DNASE1: variants seen among roughly 807,000 people sequenced by gnomAD.
DNASE1 encodes deoxyribonuclease 1, also known as deoxyribonuclease-1.
A neutral mutation model predicts 33.9 loss-of-function variants in DNASE1; 40 were observed. The ratio of observed to expected loss-of-function variants is 1.18; its 90% CI spans 0.92 to 1.54. The LOEUF is 1.54. Among genes scored for constraint, DNASE1 ranks in the 40% most tolerant of loss-of-function variants. The probability of loss-of-function intolerance (pLI) is 0.00; values close to 1 mark genes in which losing one functional copy is unlikely to be tolerated. For missense variants in DNASE1, 518 were observed against 372.6 expected, an observed-to-expected ratio of 1.39 and a Z score of -3.21; for synonymous variants, 216 against 160.0, an observed-to-expected ratio of 1.35 and a Z score of -2.64.
Position 3,634,500 on chromosome 16 carries a change from T to G in DNASE1, c.-1358-6215T>G, listed in dbSNP as rs529439777. 2.0e-5 allele frequency among the ~76,000 whole-genome samples: 3 copies of G among 152,176 alleles called. No individual in the cohort carries two copies. In the South Asian group the frequency reaches 6.2e-4, roughly 32 times the overall value. On this transcript the variant is annotated intron_variant and NMD_transcript_variant, in intron 1 of 11. Coordinates refer to the DNASE1 transcript ENST00000570769. ...ACCTCGGCCTCCCAAAGTGCTGGGA[T>G]TACAGGCATGAGCCACTGTGCCTGG...
In DNASE1 at chr16:3,656,696, G is replaced by C. The variant is rs8176919; in HGVS notation, c.379G>C (p.Gly127Arg). Residue 127 changes from glycine (G) to arginine (R), a missense_variant, in exon 5 of 9, where the codon GGG becomes CGG. Physicochemically the swap from Gly to Arg is moderately radical, Grantham distance 125. Transcript: ENST00000246949. ...CTACGATGATGGCTGCGAGCCCTGC[G>C]GGAACGACACCTTCAACCGAGAGCC... ...YYYDDGCEPCGNDTFNREPAI... is the reference protein window; with the variant it reads ...YYYDDGCEPCRNDTFNREPAI... 2 of 1,613,252 alleles carry C rather than the reference G, an allele frequency of 1.2e-6. No individual in the cohort carries two copies. The highest frequency in any genetic ancestry group is 1.3e-5 in the African/African-American group (1 of 74,988).
At chr16:3,632,905 C>G (rs189153521) in intron 1 of DNASE1, among the ~76,000 whole-genome samples, 2 of 152,144 alleles carry the variant, frequency 1.3e-5, no homozygotes, top group African/African-American at 4.8e-5. Context: ...TAATTGTAAT[C>G]TACCTATGTT....
In DNASE1 at chr16:3,635,289, C is replaced by G. The variant is rs541303831; in HGVS notation, c.-1358-5426C>G. ...CCTGGCCAACATGGTGAAACCCCAT[C>G]TCTACTAAAAATAAAAAAATTAGCT... On this transcript the variant is annotated intron_variant and NMD_transcript_variant, in intron 1 of 11. Coordinates refer to the DNASE1 transcript ENST00000570769. 1.2e-4 allele frequency among the ~76,000 whole-genome samples: 18 copies of G among 151,948 alleles called. No individual in the cohort carries two copies. In the East Asian group the frequency reaches 3.3e-3, roughly 28 times the overall value.
rs1214378626 is a variant in DNASE1 at position 3,643,759 on chromosome 16, T to TTTTA, written c.-86+739_-86+742dup. ...TCTGTTTTATTTTTTTATTTTATTA[T>TTTTA]TTTATTTATTTATTTATTTTGAGAT... is the stretch of plus-strand genomic sequence containing the variant. On this transcript the variant is annotated intron_variant, in intron 1 of 9. Coordinates refer to the DNASE1 transcript ENST00000407479. Among the ~76,000 whole-genome samples the TTTTA allele has an allele frequency of 1.1e-4, 16 of 152,240 alleles. No individual in the cohort carries two copies. In the East Asian group the frequency reaches 2.9e-3, roughly 27 times the overall value.
chr16:3,613,614 T>A (rs755016591), intron 1 of DNASE1, among the ~76,000 whole-genome samples: 4 of 152,210 alleles, frequency 2.6e-5, no homozygotes, highest in African/African-American at 9.7e-5. Context: ...TCCAACTGGA[T>A]AAAGAAGACA....
chr16:3,656,301 A>C, intron 4 of DNASE1, 116 bp downstream of exon 4: 1 of 1,144,174 alleles, frequency 8.7e-7, no homozygotes, highest in Non-Finnish European at 1.3e-6. Flanking sequence ...GCTTCAGAGC[A>C]GGGTCCAGGG....
In DNASE1 at chr16:3,655,151, C is replaced by T. The variant is rs1033594923; in HGVS notation, c.-2+107C>T. On this transcript the variant is annotated intron_variant, in intron 1 of 8. Coordinates refer to ENST00000246949, the MANE Select transcript of DNASE1 (RefSeq NM_005223.4). ...GAGTGAGGCGGAGGCTCCAGCGTCC[C>T]TCCCGGGCGGGTTTTCTGGTGGATG... 3.3e-4 allele frequency: 208 copies of T among 626,490 alleles called. 1 individual carries two copies. Among genetic ancestry groups the T allele is most frequent in the Middle Eastern group, 4.3e-4 (1 of 2,348 alleles). The allele number at this position is 626,490 out of a possible 1,614,324, so 38.8% of individuals were successfully genotyped here.
upstream of DNASE1, chr16:3,650,865 G>C (rs1008518044): frequency 6.6e-6 from 1 of 152,202 alleles, no homozygotes; most frequent in African/African-American, 2.4e-5. Context: ...GTAATTGCTT[G>C]TTCAGTGACT....
downstream of DNASE1, chr16:3,662,926 C>A: frequency 6.2e-7 from 1 of 1,613,070 alleles, no homozygotes; most frequent in South Asian, 1.1e-5. Flanking sequence ...CTCATCCAGG[C>A]CATGAGCTCC....
At chr16:3,658,717 G>C (rs545124705), downstream of DNASE1, 1 of 1,368,932 alleles carries the variant, frequency 7.3e-7, no homozygotes, top group South Asian at 1.2e-5. Context: ...AGAGGAAACC[G>C]CTGTTCCACC....
chr16:3,636,162 A>C (rs2158442), intron 1 of DNASE1, among the ~76,000 whole-genome samples: 16,544 of 150,266 alleles, frequency 0.11, 2,215 homozygotes, highest in African/African-American at 0.32. Flanking sequence ...GGAAGTTGCT[A>C]CTGACATTTT....
downstream of DNASE1, chr16:3,662,067 G>C: frequency 6.2e-7 from 1 of 1,613,348 alleles, no homozygotes; most frequent in East Asian, 2.2e-5. Context: ...TGCGCAGGAA[G>C]TGGCGGGCAG....
At chr16:3,652,455 C>T (rs918783359), upstream of DNASE1, 3 of 152,438 alleles carry the variant, frequency 2.0e-5, no homozygotes, top group Non-Finnish European at 2.9e-5. Flanking sequence ...CCGAATACTC[C>T]GGTGGCCTTG....
At chr16:3,656,822 C>A in intron 5 of DNASE1, 69 bp downstream of exon 5, 3 of 1,545,234 alleles carry the variant, frequency 1.9e-6, no homozygotes, top group Non-Finnish European at 2.6e-6. Context: ...CCTAGGGAAC[C>A]TGGAATGCCT....
At chr16:3,656,024 G>C in intron 3 of DNASE1, 78 bp from the exon 4 acceptor site, 2 of 1,610,442 alleles carry the variant, frequency 1.2e-6, no homozygotes, top group African/African-American at 2.7e-5. Flanking sequence ...GTGGGGACCT[G>C]GGCACAGCCT....
In DNASE1 at chr16:3,655,938, G is replaced by A. The variant is rs1349785168; in HGVS notation, c.236+1G>A. On this transcript the variant is annotated splice_donor_variant, in intron 3 of 8. Transcript: ENST00000246949. LOFTEE classifies it high-confidence loss of function. The stretch of plus-strand genomic sequence containing the variant: ...GGAAGCTGCTGGACAACCTCAATCA[G>A]TGGGTGACAGTGGCAGGGTCATAGG... The A allele has an allele frequency of 1.2e-6, 2 of 1,614,064 alleles. No individual in the cohort carries two copies. The highest frequency in any genetic ancestry group is 8.5e-7 in the Non-Finnish European group (1 of 1,180,008).
rs781733573 is a variant in DNASE1 at position 3,657,658 on chromosome 16, G to C, written c.705-62G>C. The C allele has an allele frequency of 2.5e-6, 4 of 1,601,942 alleles. No homozygotes were observed. In the Admixed American group the frequency reaches 6.8e-5, roughly 27 times the overall value. On this transcript the variant is annotated intron_variant, in intron 7 of 8. Transcript: ENST00000246949. The stretch of plus-strand genomic sequence containing the variant: ...CCAGGGCTCTTAGTTTAGTTCCTGC[G>C]GGTGCTGAGCCAGGCCCATGTGTGA...
At chr16:3,645,122 C>G (rs1482442288) in intron 1 of DNASE1, among the ~76,000 whole-genome samples, 1 of 152,104 alleles carries the variant, frequency 6.6e-6, no homozygotes, top group Non-Finnish European at 1.5e-5. Flanking sequence ...AGTGAGAGAC[C>G]CTGTCTCATT....
At position 3,630,983 on chromosome 16, in the gene DNASE1, AT is replaced by A. The variant is rs558129721; in HGVS notation, c.-1358-9731del. On this transcript the variant is annotated intron_variant and NMD_transcript_variant, in intron 1 of 11. Coordinates refer to the DNASE1 transcript ENST00000570769. Reference sequence around the variant, plus strand: ...CTTAGTTACTGATCAGGAAAGACTTATGTCATTTTGCTGTTTCTTTTCTATA... The same window carrying A: ...CTTAGTTACTGATCAGGAAAGACTTAGTCATTTTGCTGTTTCTTTTCTATA... Among the ~76,000 whole-genome samples the A allele has an allele frequency of 9.2e-4, 140 of 152,128 alleles. 1 individual carries two copies. Among genetic ancestry groups the A allele is most frequent in the African/African-American group, 3.0e-3 (124 of 41,512 alleles).
Sources: gnomAD v4.1 joint callset for allele counts (sites outside exome capture counted in the v4.1 genomes callset) on GRCh38, gnomAD v4.1.1 for gene constraint, MANE v1.5 for transcripts, NCBI Gene and HGNC (gene_info 2026-07-23, HGNC 2026-07-21) for gene names.